COPG2: variants seen among roughly 807,000 people sequenced by gnomAD.
COPG2 encodes coat protein complex I subunit gamma 2.
In COPG2, 37 loss-of-function variants were observed where a neutral mutation model predicts 46.3. The ratio of observed to expected loss-of-function variants is 0.80; its 90% CI spans 0.61 to 1.05. COPG2 has a LOEUF of 1.05. Among genes scored for constraint, COPG2 ranks in the 50% least tolerant of loss-of-function variants. The pLI is 0.00. For missense variants in COPG2, 427 were observed against 387.8 expected (o/e 1.10, Z -0.85); for synonymous variants, 159 against 129.7 (o/e 1.23, Z -1.53).
chr7:130,591,108 C>G (rs1277434854), intron 9 of COPG2, among the ~76,000 whole-genome samples: 1 of 128,942 alleles, frequency 7.8e-6, no homozygotes, highest in Non-Finnish European at 1.7e-5. Flanking sequence ...GTCAGCCCCC[C>G]GCCCGGCCAG....
chr7:130,547,286 C>T (rs1467251090), intron 20 of COPG2: 3 of 165,382 alleles, frequency 1.8e-5, no homozygotes, highest in Non-Finnish European at 3.9e-5. Flanking sequence ...TAACCAAGTT[C>T]TATCTAACTA....
chr7:130,599,068 G>A (rs890924379), intron 9 of COPG2, among the ~76,000 whole-genome samples: 2 of 152,178 alleles, frequency 1.3e-5, no homozygotes, highest in Admixed American at 1.3e-4. Context: ...GGCAGCCAGA[G>A]GTTTCCATGC....
At chr7:130,583,277 C>T (rs1343548206) in intron 9 of COPG2, among the ~76,000 whole-genome samples, 1 of 139,790 alleles carries the variant, frequency 7.2e-6, no homozygotes, top group Admixed American at 8.0e-5. Context: ...GATTCTCACT[C>T]ATAGGTGGGA....
chr7:130,615,688 G>A (rs1794938598), intron 6 of COPG2, among the ~76,000 whole-genome samples: 3 of 152,208 alleles, frequency 2.0e-5, no homozygotes, highest in Admixed American at 2.0e-4. Context: ...TTGCTTTCTT[G>A]TGCCCTGTAG....
At chr7:130,600,293 C>A (rs181593328) in intron 9 of COPG2, among the ~76,000 whole-genome samples, 89 of 152,122 alleles carry the variant, frequency 5.9e-4, no homozygotes, top group African/African-American at 1.9e-3. Context: ...GAGACAGAGA[C>A]GCTGTCACCC....
At chr7:130,543,075 G>A (rs1301846886) in intron 20 of COPG2, among the ~76,000 whole-genome samples, 1 of 152,190 alleles carries the variant, frequency 6.6e-6, no homozygotes, top group Non-Finnish European at 1.5e-5. Context: ...TGATGGTAAA[G>A]CAACCCCAAC....
At chr7:130,569,147 A>G (rs1793853120) in intron 9 of COPG2, among the ~76,000 whole-genome samples, 1 of 152,212 alleles carries the variant, frequency 6.6e-6, no homozygotes, top group African/African-American at 2.4e-5. Flanking sequence ...TCCAGGAACT[A>G]GAGAAACAAG....
At chr7:130,616,544 C>T (rs1439726812) in intron 6 of COPG2, among the ~76,000 whole-genome samples, 2 of 152,028 alleles carry the variant, frequency 1.3e-5, no homozygotes, top group African/African-American at 4.8e-5. Context: ...GAGCCAAGAT[C>T]GTGCCACTGC....
At chr7:130,665,566 C>T (rs1056583339) in intron 3 of COPG2, among the ~76,000 whole-genome samples, 1 of 152,092 alleles carries the variant, frequency 6.6e-6, no homozygotes, top group Non-Finnish European at 1.5e-5. Context: ...ACTATTTACA[C>T]AGCACTAACA....
intron 16 of COPG2, 41 bp downstream of exon 16, chr7:130,551,200 C>G: frequency 2.5e-6 from 1 of 398,210 alleles, no homozygotes; most frequent in African/African-American, 2.1e-5. Context: ...TCCAAGACAC[C>G]ATTTGAGGAA....
chr7:130,610,228 T>C (rs895732770), intron 9 of COPG2: 1 of 422,756 alleles, frequency 2.4e-6, no homozygotes, highest in African/African-American at 2.1e-5. Flanking sequence ...TAGCAGCTAA[T>C]AGTTGATCTG....
chr7:130,631,422 T>C (rs1795229656), intron 5 of COPG2, among the ~76,000 whole-genome samples: 1 of 152,148 alleles, frequency 6.6e-6, no homozygotes, highest in African/African-American at 2.4e-5. Context: ...TCTCCCAGTG[T>C]GCTGGGATTA....
intron 20 of COPG2, among the ~76,000 whole-genome samples, chr7:130,514,448 C>T (rs528694243): frequency 2.1e-4 from 32 of 152,118 alleles, no homozygotes; most frequent in African/African-American, 7.0e-4. Context: ...CATGTAAGTG[C>T]GGTATTAAAG....
chr7:130,582,117 C>A (rs2116441428), intron 9 of COPG2, among the ~76,000 whole-genome samples: 1 of 148,614 alleles, frequency 6.7e-6, no homozygotes, highest in African/African-American at 2.5e-5. Flanking sequence ...CTACAGTAAC[C>A]AAAACAGCAT....
At chr7:130,572,374 T>C (rs1156480006) in intron 9 of COPG2, among the ~76,000 whole-genome samples, 1 of 152,154 alleles carries the variant, frequency 6.6e-6, no homozygotes, top group East Asian at 1.9e-4. Context: ...TCAAGCTAAC[T>C]GATTATAGAA....
intron 5 of COPG2, among the ~76,000 whole-genome samples, chr7:130,650,595 G>A (rs924845371): frequency 2.6e-5 from 4 of 151,930 alleles, no homozygotes; most frequent in South Asian, 2.1e-4. Flanking sequence ...TAACTAATCC[G>A]ACATCCATTT....
intron 5 of COPG2, among the ~76,000 whole-genome samples, chr7:130,636,503 A>T (rs1295634607): frequency 1.4e-5 from 2 of 146,152 alleles, no homozygotes; most frequent in Non-Finnish European, 3.0e-5. Context: ...TTGTTGGTTT[A>T]AAGTCTGTTT....
intron 4 of COPG2, among the ~76,000 whole-genome samples, chr7:130,655,487 C>A (rs1795832067): frequency 6.6e-6 from 1 of 152,128 alleles, no homozygotes. Flanking sequence ...TCCTTTTTTA[C>A]ACACACAGAT....
In COPG2 at chr7:130,617,994, G is replaced by C. The variant is rs150944132; in HGVS notation, c.324-929C>G. On this transcript the variant is annotated intron_variant, in intron 5 of 23. Transcript: ENST00000425248. Reference sequence around the variant, plus strand: ...GGTGTGCCTGTAGTCTCAGCTACTTGGGAGGTTGAGGTGGGAGGACTGCTT... The same window carrying C: ...GGTGTGCCTGTAGTCTCAGCTACTTCGGAGGTTGAGGTGGGAGGACTGCTT... Among the ~76,000 whole-genome samples, 1,271 of 149,122 alleles carry C rather than the reference G, an allele frequency of 8.5e-3. 15 individuals carry two copies. Among genetic ancestry groups the C allele is most frequent in the Non-Finnish European group, 0.014 (965 of 67,344 alleles).
Sources: gnomAD v4.1 joint callset for allele counts (sites outside exome capture counted in the v4.1 genomes callset) on GRCh38, gnomAD v4.1.1 for gene constraint, MANE v1.5 for transcripts, NCBI Gene and HGNC (gene_info 2026-07-23, HGNC 2026-07-21) for gene names.